The following OLFM3 variants were observed in gnomAD, a reference collection of about 807,000 sequenced individuals.
OLFM3 encodes the protein olfactomedin 3, also known as noelin-3.
A neutral mutation model predicts 48.6 loss-of-function variants in OLFM3; 20 were observed. The observed-to-expected ratio is 0.41, with a 90% confidence interval of 0.29 to 0.60. The LOEUF is 0.60. Among genes scored for constraint, OLFM3 ranks in the 20% least tolerant of loss-of-function variants. The pLI is 0.28. For missense variants in OLFM3, 437 were observed against 544.3 expected, an observed-to-expected ratio of 0.80 and a Z score of 1.96; for synonymous variants, 222 against 198.1, an observed-to-expected ratio of 1.12 and a Z score of -1.01.
At chr1:101,843,436 A>T (rs1384423874) in intron 1 of OLFM3, among the ~76,000 whole-genome samples, 1 of 152,174 alleles carries the variant, frequency 6.6e-6, no homozygotes, top group African/African-American at 2.4e-5. Context: ...CGCCAGAGGG[A>T]GCCTGAGCCT....
chr1:101,984,051 C>A (rs940958836), intron 1 of OLFM3, among the ~76,000 whole-genome samples: 1 of 152,062 alleles, frequency 6.6e-6, no homozygotes, highest in African/African-American at 2.4e-5. Flanking sequence ...GGAGTTGAGG[C>A]CAGCCTGGGC....
At chr1:101,856,404 C>T (rs1336871137) in intron 1 of OLFM3, among the ~76,000 whole-genome samples, 1 of 151,974 alleles carries the variant, frequency 6.6e-6, no homozygotes, top group African/African-American at 2.4e-5. Context: ...TGCAATTAAA[C>T]ACTTTTAACC....
chr1:101,893,063 G>T (rs1658064209), intron 1 of OLFM3: 2 of 161,360 alleles, frequency 1.2e-5, no homozygotes, highest in South Asian at 3.4e-4. Flanking sequence ...ATAGGTGAAA[G>T]GATTTTTAAT....
intron 1 of OLFM3, among the ~76,000 whole-genome samples, chr1:101,967,083 G>A (rs535828108): frequency 6.6e-6 from 1 of 152,210 alleles, no homozygotes; most frequent in Non-Finnish European, 1.5e-5. Context: ...CCTCCAGGCT[G>A]TATATTGACC....
At chr1:101,968,177 C>T (rs1660673268) in intron 1 of OLFM3, among the ~76,000 whole-genome samples, 1 of 152,148 alleles carries the variant, frequency 6.6e-6, no homozygotes, top group Non-Finnish European at 1.5e-5. Context: ...TTGTGTGAGT[C>T]CACATATTTT....
rs1403684521 is a variant in OLFM3 at position 101,941,370 on chromosome 1, G to T, written c.69+55378C>A. ...GGTAGAACAGTTGGTTTTCCTGGAT[G>T]GAATTTCTGAATGTGGGAATCTCCC... On this transcript the variant is annotated intron_variant, in intron 1 of 5. Transcript: ENST00000370103. 2.5e-4 allele frequency among the ~76,000 whole-genome samples: 38 copies of T among 152,060 alleles called. 1 individual carries two copies. Among genetic ancestry groups the T allele is most frequent in the Admixed American group, 2.5e-3 (38 of 15,276 alleles).
intron 2 of OLFM3, among the ~76,000 whole-genome samples, chr1:101,831,227 A>G (rs1238838154): frequency 6.6e-6 from 1 of 152,208 alleles, no homozygotes; most frequent in African/African-American, 2.4e-5. Flanking sequence ...ATGTTTAGCA[A>G]TTGTGGATGG....
chr1:101,806,524 G>T (rs1421216837), intron 4 of OLFM3, among the ~76,000 whole-genome samples: 1 of 151,646 alleles, frequency 6.6e-6, no homozygotes, highest in African/African-American at 2.4e-5. Flanking sequence ...GAAGCAAATT[G>T]CCCATAGACC....
chr1:101,805,971 T>C (rs1020479537), intron 5 of OLFM3, 105 bp downstream of exon 5: 1 of 711,548 alleles, frequency 1.4e-6, no homozygotes, highest in Non-Finnish European at 2.3e-6. Context: ...TATGTACCAG[T>C]TTTCAAGTAC....
intron 4 of OLFM3, among the ~76,000 whole-genome samples, chr1:101,824,643 A>AAACAACAAC (rs149607229): frequency 2.1e-4 from 32 of 150,530 alleles, no homozygotes; most frequent in South Asian, 1.3e-3. Flanking sequence ...CCCACTAACC[A>AAACAACAAC]AACAACAACA....
At chr1:101,914,439 G>A (rs1557728498) in intron 1 of OLFM3, among the ~76,000 whole-genome samples, 1 of 152,152 alleles carries the variant, frequency 6.6e-6, no homozygotes, top group Admixed American at 6.5e-5. Flanking sequence ...TTGCTTTTTA[G>A]ATGGCTGTAT....
chr1:101,895,671 G>A (rs900444059), intron 1 of OLFM3, among the ~76,000 whole-genome samples: 2 of 151,936 alleles, frequency 1.3e-5, no homozygotes, highest in Non-Finnish European at 2.9e-5. Context: ...CCCAAGCAGT[G>A]GTTTACAAAT....
At chr1:101,935,340 G>T (rs1223245446) in intron 1 of OLFM3, among the ~76,000 whole-genome samples, 2 of 151,382 alleles carry the variant, frequency 1.3e-5, no homozygotes, top group Non-Finnish European at 2.9e-5. Context: ...AGAGACTACT[G>T]TGAACACCTC....
chr1:101,811,932 A>G (rs1654073593), intron 4 of OLFM3, among the ~76,000 whole-genome samples: 1 of 152,210 alleles, frequency 6.6e-6, no homozygotes, highest in South Asian at 2.1e-4. Context: ...ACTTGGAACC[A>G]ACCCAAATGT....
chr1:101,828,631 A>G (rs1414388034), intron 3 of OLFM3, among the ~76,000 whole-genome samples: 1 of 152,172 alleles, frequency 6.6e-6, no homozygotes, highest in Non-Finnish European at 1.5e-5. Context: ...TCTTCTCGCA[A>G]AAGTTCCCAA....
chr1:101,853,287 T>C (rs1656293091), intron 1 of OLFM3, among the ~76,000 whole-genome samples: 1 of 152,040 alleles, frequency 6.6e-6, no homozygotes, highest in Admixed American at 6.6e-5. Context: ...CTTGCCCTTC[T>C]CTTGTGGAAA....
At chr1:101,829,547 T>C (rs575581699) in intron 3 of OLFM3, among the ~76,000 whole-genome samples, 1 of 152,342 alleles carries the variant, frequency 6.6e-6, no homozygotes, top group Admixed American at 6.5e-5. Context: ...ACCATGAAAC[T>C]TTCTGCCACA....
intron 1 of OLFM3, among the ~76,000 whole-genome samples, chr1:101,975,483 A>G (rs943050944): frequency 1.3e-4 from 20 of 151,968 alleles, no homozygotes; most frequent in African/African-American, 4.1e-4. Flanking sequence ...TTCAAAACAT[A>G]AGAAATAGTT....
chr1:101,968,622 T>C (rs1475283216), intron 1 of OLFM3, among the ~76,000 whole-genome samples: 7 of 151,664 alleles, frequency 4.6e-5, no homozygotes, highest in Non-Finnish European at 8.8e-5. Context: ...AGGCCACTTA[T>C]ATGGAAAAGG....
Sources: gnomAD v4.1 joint callset for allele counts (sites outside exome capture counted in the v4.1 genomes callset) on GRCh38, gnomAD v4.1.1 for gene constraint, MANE v1.5 for transcripts, NCBI Gene and HGNC (gene_info 2026-07-23, HGNC 2026-07-21) for gene names.